The following KCNK10 variants were observed in gnomAD, a reference collection of about 807,000 sequenced individuals.
KCNK10 encodes the protein potassium two pore domain channel subfamily K member 10, also known as potassium channel subfamily K member 10.
In KCNK10, 25 loss-of-function variants were observed where a neutral mutation model predicts 47.7. That is an observed-to-expected ratio of 0.52 (90% CI 0.38 to 0.73). KCNK10 has a LOEUF of 0.73. Ranked by LOEUF, KCNK10 falls within the 30% of genes least tolerant of loss-of-function variation. The pLI is 0.00. For missense variants in KCNK10, 563 were observed against 714.5 expected, an observed-to-expected ratio of 0.79 and a Z score of 2.42; for synonymous variants, 303 against 285.6, an observed-to-expected ratio of 1.06 and a Z score of -0.61.
intron 1 of KCNK10, among the ~76,000 whole-genome samples, chr14:88,275,764 G>A (rs1297027494): frequency 6.6e-6 from 1 of 151,990 alleles, no homozygotes; most frequent in Non-Finnish European, 1.5e-5. Flanking sequence ...CTACTTGGGA[G>A]GCTGAGGCTG....
intron 4 of KCNK10, among the ~76,000 whole-genome samples, chr14:88,219,677 C>T (rs1355952777): frequency 6.6e-6 from 1 of 152,230 alleles, no homozygotes; most frequent in African/African-American, 2.4e-5. Flanking sequence ...TTTTGTTCAT[C>T]ACAGCAATGT....
At chr14:88,251,087 G>T (rs1886782337) in intron 2 of KCNK10, among the ~76,000 whole-genome samples, 1 of 151,936 alleles carries the variant, frequency 6.6e-6, no homozygotes, top group South Asian at 2.1e-4. Flanking sequence ...ACAAAAATTA[G>T]CTGGGCGTGG....
At chr14:88,324,333 C>G (rs572140055), upstream of KCNK10, among the ~76,000 whole-genome samples, 95 of 152,334 alleles carry the variant, frequency 6.2e-4, no homozygotes, top group Non-Finnish European at 1.1e-3. Flanking sequence ...ACGGGTCACT[C>G]CGAGTATCAA....
chr14:88,200,664 AT>A (rs1885073361), intron 4 of KCNK10, among the ~76,000 whole-genome samples: 1 of 152,188 alleles, frequency 6.6e-6, no homozygotes, highest in African/African-American at 2.4e-5. Flanking sequence ...CCTTTAGCAT[AT>A]TTTTCAAGCT....
At chr14:88,212,844 T>C (rs1447192500) in intron 4 of KCNK10, among the ~76,000 whole-genome samples, 3 of 152,244 alleles carry the variant, frequency 2.0e-5, no homozygotes, top group Admixed American at 2.0e-4. Flanking sequence ...CTAACAGGAA[T>C]GCACATTTCC....
At chr14:88,292,332 T>C (rs1887896966) in intron 1 of KCNK10, among the ~76,000 whole-genome samples, 1 of 152,084 alleles carries the variant, frequency 6.6e-6, no homozygotes, top group African/African-American at 2.4e-5. Flanking sequence ...AGGAGAGCTT[T>C]GTGATTTTGT....
At chr14:88,321,170 A>T (rs1283732957) in intron 1 of KCNK10, among the ~76,000 whole-genome samples, 3 of 152,172 alleles carry the variant, frequency 2.0e-5, no homozygotes, top group Non-Finnish European at 4.4e-5. Context: ...CATCATATAC[A>T]CATACCTCTT....
In KCNK10 at chr14:88,253,622, C is replaced by T. The variant is rs778953686; in HGVS notation, c.402+9580G>A. On this transcript the variant is annotated intron_variant, in intron 2 of 6. Transcript: ENST00000319231. ...AAGGATTAAAAAAAAAATCCTTAGC[C>T]GGCACAGTGGCTCACACCTGTAATC... Among the ~76,000 whole-genome samples, 13 of 152,156 alleles carry T rather than the reference C, an allele frequency of 8.5e-5. No homozygotes were observed. In the East Asian group the frequency reaches 9.7e-4, roughly 11 times the overall value.
rs116610512 is a variant in KCNK10 at position 88,243,219 on chromosome 14, C to T, written c.403-2399G>A. 5.4e-3 allele frequency among the ~76,000 whole-genome samples: 828 copies of T among 152,342 alleles called. 5 individuals carry two copies. Among genetic ancestry groups the T allele is most frequent in the African/African-American group, 0.019 (804 of 41,574 alleles). ...TAACAGTTGTTAAGTGCCTGCCTTT[C>T]GCCAGGTGCACTAGAAGCGTCATTC... On this transcript the variant is annotated intron_variant, in intron 2 of 6. Coordinates refer to ENST00000319231, the MANE Select transcript of KCNK10 (RefSeq NM_138317.3).
rs558287128 is a variant in KCNK10 at position 88,226,181 on chromosome 14, T to C, written c.681+1194A>G. On this transcript the variant is annotated intron_variant, in intron 4 of 6. Coordinates refer to ENST00000319231, the MANE Select transcript of KCNK10 (RefSeq NM_138317.3). ...CCTGACAAAGTAGATTCAAATTCTA[T>C]CCCCTTTTGTGGATGAGTAAACTGA... is the stretch of plus-strand genomic sequence containing the variant. Among the ~76,000 whole-genome samples, 4 of 152,324 alleles carry C rather than the reference T, an allele frequency of 2.6e-5. No individual in the cohort carries two copies. The South Asian group carries it at 6.2e-4, about 24-fold the overall frequency.
chr14:88,226,790 C>A (rs1886000345), intron 4 of KCNK10, among the ~76,000 whole-genome samples: 1 of 152,116 alleles, frequency 6.6e-6, no homozygotes, highest in Non-Finnish European at 1.5e-5. Flanking sequence ...AAGGAAAAAA[C>A]CCACTAAGGC....
At chr14:88,280,202 G>A (rs1280620424) in intron 1 of KCNK10, among the ~76,000 whole-genome samples, 3 of 152,004 alleles carry the variant, frequency 2.0e-5, no homozygotes, top group Admixed American at 6.6e-5. Context: ...ACACCAACAC[G>A]GCCACACATC....
intron 2 of KCNK10, among the ~76,000 whole-genome samples, chr14:88,244,674 A>C (rs575249798): frequency 1.2e-4 from 19 of 152,308 alleles, no homozygotes; most frequent in African/African-American, 4.6e-4. Context: ...TCTCAAAAAA[A>C]AAAAGAAAAA....
intron 2 of KCNK10, 28 bp downstream of exon 2, chr14:88,263,174 G>T: frequency 1.3e-6 from 2 of 1,575,994 alleles, no homozygotes. Flanking sequence ...CCACCAGCTG[G>T]CCTAAGATGG....
chr14:88,299,360 A>G (rs560020691), intron 1 of KCNK10, among the ~76,000 whole-genome samples: 2 of 152,298 alleles, frequency 1.3e-5, no homozygotes, highest in South Asian at 4.1e-4. Flanking sequence ...TCAGGCCTAC[A>G]TCTCACTTTC....
intron 5 of KCNK10, 31 bp from the exon 6 acceptor site, chr14:88,188,140 G>A (rs1330634046): frequency 1.2e-6 from 2 of 1,611,952 alleles, no homozygotes; most frequent in Admixed American, 1.7e-5. Context: ...CTTTAACCAT[G>A]ATCTAGCATA....
chr14:88,230,192 A>G (rs1886117122), intron 3 of KCNK10, among the ~76,000 whole-genome samples: 2 of 152,132 alleles, frequency 1.3e-5, no homozygotes, highest in Non-Finnish European at 2.9e-5. Context: ...TTACTGTGGG[A>G]AGGAATTGTT....
At chr14:88,197,203 G>C (rs1884941974) in intron 4 of KCNK10, among the ~76,000 whole-genome samples, 1 of 152,150 alleles carries the variant, frequency 6.6e-6, no homozygotes, top group Admixed American at 6.5e-5. Context: ...CAAAGTTCTT[G>C]AAAAAGATGT....
Position 88,184,378 on chromosome 14 carries a change from GAATT to G in KCNK10, c.*1153_*1156del, listed in dbSNP as rs1884471444. On this transcript the variant is annotated 3_prime_UTR_variant, in exon 7 of 7. Transcript: ENST00000319231. ...TATTTCTAAGTATCATTGTTAAATG[GAATT>G]AATGGCACTTACGCTGCAAGCAATA... The G allele has an allele frequency of 6.6e-6, 1 of 152,280 alleles. No individual in the cohort carries two copies. The highest frequency in any genetic ancestry group is 1.5e-5 in the Non-Finnish European group (1 of 68,032). The allele number at this position is 152,280 out of a possible 1,614,324, so 9.4% of individuals were successfully genotyped here.
Sources: allele counts gnomAD v4.1 joint callset (sites outside exome capture counted in the v4.1 genomes callset), GRCh38; gene constraint gnomAD v4.1.1; transcripts MANE v1.5; gene names NCBI Gene and HGNC (gene_info 2026-07-23, HGNC 2026-07-21).